Variants in VWA3B observed in about 807,000 individuals in gnomAD.
The protein encoded by VWA3B is von Willebrand factor A domain-containing protein 3B.
A neutral mutation model predicts 158.3 loss-of-function variants in VWA3B; 138 were observed. The observed-to-expected ratio is 0.87, with a 90% CI of 0.76 to 1.00. The LOEUF is 1.00. VWA3B is among the 50% of genes least tolerant of loss of function. The pLI is 0.00. For missense variants in VWA3B, 1,555 were observed against 1,565.1 expected (o/e 0.99, Z 0.11); for synonymous variants, 596 against 587.3 (o/e 1.01, Z -0.21).
intron 7 of VWA3B, among the ~76,000 whole-genome samples, chr2:98,135,369 T>A (rs1676198622): frequency 7.9e-6 from 1 of 126,486 alleles, no homozygotes. Context: ...AGAGTCTCGC[T>A]CTGTCGCCCA....
chr2:98,172,937 G>A (rs1679717973), intron 8 of VWA3B, among the ~76,000 whole-genome samples: 1 of 152,164 alleles, frequency 6.6e-6, no homozygotes, highest in Non-Finnish European at 1.5e-5. Flanking sequence ...ATATCAAGCA[G>A]GAACCCCATG....
chr2:98,163,135 A>G (rs1678771677), intron 8 of VWA3B, among the ~76,000 whole-genome samples, 159 bp downstream of exon 8: 2 of 152,098 alleles, frequency 1.3e-5, no homozygotes, highest in East Asian at 1.9e-4. Flanking sequence ...AGGGGTGGGG[A>G]GGGGGCTGAA....
intron 22 of VWA3B, among the ~76,000 whole-genome samples, chr2:98,283,629 T>G (rs1431377487): frequency 6.6e-6 from 1 of 152,240 alleles, no homozygotes; most frequent in Non-Finnish European, 1.5e-5. Flanking sequence ...TGTTCTCAGT[T>G]GTGGCTGGTG....
intron 8 of VWA3B, among the ~76,000 whole-genome samples, chr2:98,175,989 C>T (rs992171208): frequency 6.6e-6 from 1 of 152,216 alleles, no homozygotes; most frequent in Non-Finnish European, 1.5e-5. Flanking sequence ...CAGCAAAGGG[C>T]TTGACTGCTC....
intron 7 of VWA3B, among the ~76,000 whole-genome samples, chr2:98,158,869 A>C (rs1469013813): frequency 6.6e-6 from 1 of 151,912 alleles, no homozygotes; most frequent in Non-Finnish European, 1.5e-5. Context: ...GGAGCTTTGA[A>C]CCCTGACCTC....
At position 98,121,541 on chromosome 2, in the gene VWA3B, C is replaced by T; in HGVS notation, c.702+83C>T. ...TCACACTCAGTGACTTTACACGGCC[C>T]TTCAACTGATCTTGGGCCCCTCCCA... On this transcript the variant is annotated intron_variant, in intron 5 of 27. Coordinates refer to ENST00000477737, the MANE Select transcript of VWA3B (RefSeq NM_144992.5). The T allele has an allele frequency of 5.9e-6, 9 of 1,532,362 alleles. No individual in the cohort carries two copies. In the South Asian group the frequency reaches 9.4e-5, roughly 16 times the overall value. 94.9% of individuals were successfully genotyped at this position (1,532,362 alleles called of 1,614,324 possible). A position where few individuals can be genotyped will look rare whatever the true frequency, so the allele number is the denominator to read the frequency against.
chr2:98,169,364 A>G (rs1679381539), intron 8 of VWA3B, among the ~76,000 whole-genome samples: 1 of 152,222 alleles, frequency 6.6e-6, no homozygotes, highest in South Asian at 2.1e-4. Context: ...TAAATTGAAG[A>G]TGTGTAGTAT....
intron 7 of VWA3B, among the ~76,000 whole-genome samples, chr2:98,135,461 G>A (rs62154879): frequency 0.084 from 12,013 of 143,326 alleles, 647 homozygotes; most frequent in East Asian, 0.16. Flanking sequence ...TCAGCCTCCC[G>A]AGTAGCTGGG....
At chr2:98,143,517 A>G (rs1437223982) in intron 7 of VWA3B, among the ~76,000 whole-genome samples, 2 of 151,932 alleles carry the variant, frequency 1.3e-5, no homozygotes, top group African/African-American at 4.8e-5. Context: ...TATTTTCTTC[A>G]TCTGTAAAAT....
chr2:98,287,390 T>C (rs1159167935), intron 22 of VWA3B, among the ~76,000 whole-genome samples: 2 of 152,202 alleles, frequency 1.3e-5, no homozygotes, highest in Non-Finnish European at 2.9e-5. Context: ...AAGCTCTTTC[T>C]CTGCTATGTT....
At chr2:98,157,947 AAAC>A (rs1678233243) in intron 7 of VWA3B, among the ~76,000 whole-genome samples, 1 of 152,180 alleles carries the variant, frequency 6.6e-6, no homozygotes, top group African/African-American at 2.4e-5. Context: ...CCTGTCCTGG[AAAC>A]GATAGTACTT....
At chr2:98,254,860 C>T (rs1300183830) in intron 20 of VWA3B, among the ~76,000 whole-genome samples, 2 of 152,162 alleles carry the variant, frequency 1.3e-5, no homozygotes, top group South Asian at 2.1e-4. Flanking sequence ...TTACCAGGCT[C>T]ATGATGGGAG....
chr2:98,266,974 C>T (rs1263321248), intron 21 of VWA3B, among the ~76,000 whole-genome samples: 5,412 of 150,324 alleles, frequency 0.036, 128 homozygotes, highest in Middle Eastern at 0.069. Context: ...TCTAGATATA[C>T]AATCATGTCG....
rs765941333 is a variant in VWA3B at position 98,256,151 on chromosome 2, A to G, written c.2820A>G (p.Ala940=). The change falls in exon 21 of 28, where the codon GCA becomes GCG. Residue 940 remains alanine (A), a synonymous_variant. Coordinates refer to ENST00000477737, the MANE Select transcript of VWA3B (RefSeq NM_144992.5). ...EKRLNKIVWR[A]LSQEEKEKLD... ...GCTTGAATAAAATTGTTTGGCGAGCATTATCTCAAGAGGAAAAAGAAAAGT... is the reference window on the plus strand; with the variant it reads ...GCTTGAATAAAATTGTTTGGCGAGCGTTATCTCAAGAGGAAAAAGAAAAGT... 44 of 1,612,724 alleles carry G rather than the reference A, an allele frequency of 2.7e-5. No homozygotes were observed. The highest frequency in any genetic ancestry group is 3.5e-5 in the Non-Finnish European group (41 of 1,179,744).
intron 3 of VWA3B, among the ~76,000 whole-genome samples, chr2:98,116,187 G>A (rs1363748997): frequency 1.3e-5 from 2 of 152,114 alleles, no homozygotes; most frequent in Non-Finnish European, 2.9e-5. Context: ...TCTCCTACAT[G>A]CCAGGCCCTG....
chr2:98,224,006 G>A (rs556826927), intron 14 of VWA3B, among the ~76,000 whole-genome samples: 318 of 152,308 alleles, frequency 2.1e-3, no homozygotes, highest in African/African-American at 7.2e-3. Flanking sequence ...GAGATTACAG[G>A]TATTAGCAAC....
At chr2:98,300,799 A>G (rs1270370004) in intron 25 of VWA3B, among the ~76,000 whole-genome samples, 1 of 150,752 alleles carries the variant, frequency 6.6e-6, no homozygotes, top group Non-Finnish European at 1.5e-5. Context: ...GGCATCTCAG[A>G]CTCCGCAAGC....
At chr2:98,223,756 G>T (rs1166360851) in intron 14 of VWA3B, among the ~76,000 whole-genome samples, 1 of 152,038 alleles carries the variant, frequency 6.6e-6, no homozygotes, top group Non-Finnish European at 1.5e-5. Context: ...TAGAGACAAG[G>T]GTTTTACTCC....
intron 7 of VWA3B, among the ~76,000 whole-genome samples, chr2:98,147,805 C>T (rs572349251): frequency 6.6e-6 from 1 of 151,774 alleles, no homozygotes; most frequent in Non-Finnish European, 1.5e-5. Flanking sequence ...CACCCATTAA[C>T]TCGTCATTTA....
Sources: gnomAD v4.1 joint callset for allele counts (sites outside exome capture counted in the v4.1 genomes callset) on GRCh38, gnomAD v4.1.1 for gene constraint, MANE v1.5 for transcripts, NCBI Gene and HGNC (gene_info 2026-07-23, HGNC 2026-07-21) for gene names.